Variants in KCND2 observed in about 807,000 individuals in gnomAD.
KCND2 encodes potassium voltage-gated channel subfamily D member 2.
KCND2 carries 16 observed loss-of-function variants against 54.4 expected under a neutral mutation model. That is an observed-to-expected ratio of 0.29 (90% CI 0.20 to 0.45). The LOEUF is 0.45. Ranked by LOEUF, KCND2 falls within the 20% of genes least tolerant of loss-of-function variation. The pLI is 1.00. For missense variants in KCND2, 486 were observed against 824.2 expected, an observed-to-expected ratio of 0.59 and a Z score of 5.02; for synonymous variants, 317 against 310.7, an observed-to-expected ratio of 1.02 and a Z score of -0.21.
At chr7:120,383,133 A>T (rs1397111105) in intron 1 of KCND2, among the ~76,000 whole-genome samples, 1 of 152,010 alleles carries the variant, frequency 6.6e-6, no homozygotes, top group Middle Eastern at 3.2e-3. Context: ...TTCTGAAATT[A>T]ATTCTGAGTG....
At chr7:120,333,457 A>G (rs1166540388) in intron 1 of KCND2, among the ~76,000 whole-genome samples, 1 of 152,092 alleles carries the variant, frequency 6.6e-6, no homozygotes. Context: ...TATAACATGG[A>G]CAGATTCTAA....
At chr7:120,700,358 A>G (rs1330944695) in intron 1 of KCND2, among the ~76,000 whole-genome samples, 3 of 152,204 alleles carry the variant, frequency 2.0e-5, no homozygotes, top group Non-Finnish European at 2.9e-5. Flanking sequence ...TTGTTCAACT[A>G]ACTCCCCTGA....
At chr7:120,583,788 G>C (rs113465038) in intron 1 of KCND2, among the ~76,000 whole-genome samples, 15 of 149,756 alleles carry the variant, frequency 1.0e-4, no homozygotes, top group African/African-American at 2.7e-4. Flanking sequence ...GAATTGTGGG[G>C]GGGGGGACAA....
chr7:120,665,695 A>G (rs1791918208), intron 1 of KCND2, among the ~76,000 whole-genome samples: 1 of 152,066 alleles, frequency 6.6e-6, no homozygotes. Flanking sequence ...AAGTCATTTA[A>G]TTTACATTCT....
chr7:120,718,446 A>T (rs1275140819), intron 1 of KCND2, among the ~76,000 whole-genome samples: 4 of 152,172 alleles, frequency 2.6e-5, no homozygotes, highest in Non-Finnish European at 5.9e-5. Context: ...GACATGCAAA[A>T]TTAGTATAAA....
At chr7:120,286,843 A>C (rs1799352658) in intron 1 of KCND2, among the ~76,000 whole-genome samples, 1 of 152,096 alleles carries the variant, frequency 6.6e-6, no homozygotes, top group Non-Finnish European at 1.5e-5. Context: ...GAGGAGTTGC[A>C]ACAGTTTATT....
At chr7:120,591,688 CT>C (rs1425491294) in intron 1 of KCND2, among the ~76,000 whole-genome samples, 1 of 152,146 alleles carries the variant, frequency 6.6e-6, no homozygotes, top group African/African-American at 2.4e-5. Context: ...ATTCAGTCTC[CT>C]TTTACTACCT....
chr7:120,565,220 T>G (rs1215626087), intron 1 of KCND2, among the ~76,000 whole-genome samples: 1 of 152,234 alleles, frequency 6.6e-6, no homozygotes, highest in Non-Finnish European at 1.5e-5. Context: ...CATGCTTTTC[T>G]GTGACCTTAG....
At chr7:120,389,313 TCAAG>T in intron 1 of KCND2, among the ~76,000 whole-genome samples, 1 of 152,026 alleles carries the variant, frequency 6.6e-6, no homozygotes, top group South Asian at 2.1e-4. Context: ...ATTATTACAC[TCAAG>T]CAAGTTAACC....
chr7:120,449,770 T>TA (rs1380732727), intron 1 of KCND2, among the ~76,000 whole-genome samples: 1 of 152,228 alleles, frequency 6.6e-6, no homozygotes, highest in East Asian at 1.9e-4. Flanking sequence ...AGTGCCTGAC[T>TA]ACCTATGACA....
At chr7:120,604,504 AAATAACAATAATAATAATAATAATAAT>A (rs1792855439) in intron 1 of KCND2, among the ~76,000 whole-genome samples, 3 of 82,692 alleles carry the variant, frequency 3.6e-5, no homozygotes, top group African/African-American at 8.8e-5. Context: ...CTCCATCTAA[AAATAACAATAATAATAATAATAATAAT>A]AATAATAATA....
intron 1 of KCND2, among the ~76,000 whole-genome samples, chr7:120,462,818 A>C (rs1802303210): frequency 6.6e-6 from 1 of 152,028 alleles, no homozygotes; most frequent in African/African-American, 2.4e-5. Context: ...AAGAACCATA[A>C]GACAAAAATC....
At chr7:120,457,103 C>T (rs758974880) in intron 1 of KCND2, among the ~76,000 whole-genome samples, 2 of 152,194 alleles carry the variant, frequency 1.3e-5, no homozygotes, top group Non-Finnish European at 2.9e-5. Context: ...AGCTGGGACA[C>T]AGGGCGTTAA....
chr7:120,443,416 TG>T (rs1267290835), intron 1 of KCND2, among the ~76,000 whole-genome samples: 1 of 151,066 alleles, frequency 6.6e-6, no homozygotes, highest in Non-Finnish European at 1.5e-5. Context: ...GATAAAAATA[TG>T]GGTAAGACAT....
rs1364355185 is a variant in KCND2 at position 120,578,679 on chromosome 7, G to A, written c.1116-154224G>A. On this transcript the variant is annotated intron_variant, in intron 1 of 5. Transcript: ENST00000331113. Reference sequence around the variant, plus strand: ...AGGAGTTCAAGACCAGCCTGGCCAAGGTAGTGAAACCCCATCTCTAATAAA... The same window carrying A: ...AGGAGTTCAAGACCAGCCTGGCCAAAGTAGTGAAACCCCATCTCTAATAAA... Among the ~76,000 whole-genome samples, 3 of 152,146 alleles carry A rather than the reference G, an allele frequency of 2.0e-5. No individual in the cohort carries two copies. In the South Asian group the frequency reaches 6.2e-4, roughly 32 times the overall value.
intron 1 of KCND2, among the ~76,000 whole-genome samples, chr7:120,313,939 A>C (rs148628579): frequency 3.4e-4 from 52 of 152,076 alleles, no homozygotes; most frequent in African/African-American, 1.2e-3. Flanking sequence ...TTATTTCTTC[A>C]GTATAAATAC....
At chr7:120,447,876 G>T (rs1207751206) in intron 1 of KCND2, among the ~76,000 whole-genome samples, 1 of 150,918 alleles carries the variant, frequency 6.6e-6, no homozygotes, top group Non-Finnish European at 1.5e-5. Context: ...TATTCTCTTG[G>T]CCAGACATGG....
chr7:120,548,666 G>T (rs1214578104), intron 1 of KCND2, among the ~76,000 whole-genome samples: 1 of 152,144 alleles, frequency 6.6e-6, no homozygotes, highest in East Asian at 1.9e-4. Flanking sequence ...GAATTCAACA[G>T]AAATGAAAGA....
intron 1 of KCND2, among the ~76,000 whole-genome samples, chr7:120,683,867 C>CTT (rs1792169763): frequency 6.6e-6 from 1 of 151,858 alleles, no homozygotes; most frequent in Non-Finnish European, 1.5e-5. Flanking sequence ...GATGCATGGA[C>CTT]TTGAAGTCTT....
Sources: gnomAD v4.1 joint callset for allele counts (sites outside exome capture counted in the v4.1 genomes callset) on GRCh38, gnomAD v4.1.1 for gene constraint, MANE v1.5 for transcripts, NCBI Gene and HGNC (gene_info 2026-07-23, HGNC 2026-07-21) for gene names.